The following CAST variants were observed in gnomAD, a reference collection of about 807,000 sequenced individuals.
CAST encodes the protein calpastatin, also known as MIR583 host.
CAST carries 76 observed loss-of-function variants against 119.6 expected under a neutral mutation model. The ratio of observed to expected loss-of-function variants is 0.64; its 90% CI spans 0.53 to 0.77. CAST has a LOEUF of 0.77. Among genes scored for constraint, CAST ranks in the 30% least tolerant of loss-of-function variants. The probability of loss-of-function intolerance (pLI) is 0.00; values close to 1 mark genes in which losing one functional copy is unlikely to be tolerated. For synonymous variants in CAST, 319 were observed against 331.6 expected (o/e 0.96, Z 0.41); for missense variants, 953 against 946.5 (o/e 1.01, Z -0.09).
chr5:96,634,598 A>G (rs1329356495), intron 1 of CAST, among the ~76,000 whole-genome samples: 1 of 152,192 alleles, frequency 6.6e-6, no homozygotes, highest in Non-Finnish European at 1.5e-5. Flanking sequence ...CCTACATGAA[A>G]ATGTCAAGGG....
chr5:96,540,592 C>A (rs894941193), intron 1 of CAST, among the ~76,000 whole-genome samples: 1 of 152,154 alleles, frequency 6.6e-6, no homozygotes, highest in Non-Finnish European at 1.5e-5. Context: ...AATGTTGATA[C>A]ACTATTATTA....
At chr5:96,338,159 T>G in the CAST span, among the ~76,000 whole-genome samples, 2 of 152,238 alleles carry the variant, frequency 1.3e-5, no homozygotes, top group Non-Finnish European at 2.9e-5. Context: ...AGTTCTGTCA[T>G]CATCTTCTGT....
At chr5:96,653,613 CA>C (rs1748121338) in intron 1 of CAST, among the ~76,000 whole-genome samples, 1 of 152,216 alleles carries the variant, frequency 6.6e-6, no homozygotes, top group Non-Finnish European at 1.5e-5. Context: ...TTAGAGTAAG[CA>C]AAAGGTAAAT....
At chr5:96,229,820 C>T in the CAST span, among the ~76,000 whole-genome samples, 2 of 152,236 alleles carry the variant, frequency 1.3e-5, no homozygotes, top group East Asian at 1.9e-4. Flanking sequence ...TCCCTATGAT[C>T]ATAGTTAATT....
the CAST span, among the ~76,000 whole-genome samples, chr5:96,107,985 T>C: frequency 3.5e-3 from 539 of 152,052 alleles, 2 homozygotes; most frequent in African/African-American, 4.6e-3. Flanking sequence ...CATCTTCCAT[T>C]GCTGATACCC....
At chr5:96,278,979 T>C in the CAST span, among the ~76,000 whole-genome samples, 1 of 152,252 alleles carries the variant, frequency 6.6e-6, no homozygotes, top group African/African-American at 2.4e-5. Flanking sequence ...TGTATAAACA[T>C]TAAAATCTGT....
intron 1 of CAST, among the ~76,000 whole-genome samples, chr5:96,531,722 A>G (rs1399197097): frequency 1.3e-5 from 2 of 152,200 alleles, no homozygotes; most frequent in Non-Finnish European, 2.9e-5. Context: ...AATTTAACAT[A>G]TGGAATAGAA....
chr5:96,560,276 C>T lies in CAST; in HGVS notation c.60+30396C>T, dbSNP rs972501804. Among the ~76,000 whole-genome samples the T allele has an allele frequency of 5.9e-5, 9 of 151,984 alleles. No homozygotes were observed. In the South Asian group the frequency reaches 1.0e-3, roughly 18 times the overall value. On this transcript the variant is annotated intron_variant, in intron 1 of 11. Coordinates refer to the CAST transcript ENST00000505143. ...TGCTAGAAGAAAACCTAGGCAATAC[C>T]GTTCAGGACATAGGCATGGACAAGG...
chr5:96,586,471 T>C (rs1055266136), intron 1 of CAST, among the ~76,000 whole-genome samples: 12 of 152,300 alleles, frequency 7.9e-5, no homozygotes, highest in African/African-American at 2.6e-4. Context: ...AGAATAGTTA[T>C]AGCCACAAGA....
chr5:96,522,879 A>G (rs1269307870), upstream of CAST, among the ~76,000 whole-genome samples: 2 of 152,162 alleles, frequency 1.3e-5, no homozygotes, highest in African/African-American at 4.8e-5. Context: ...AAGTCATCCT[A>G]AGTAAAGGGA....
chr5:96,027,143 T>C, the CAST span, among the ~76,000 whole-genome samples: 17 of 152,262 alleles, frequency 1.1e-4, no homozygotes, highest in African/African-American at 4.1e-4. Flanking sequence ...ATCATGCTAC[T>C]GTACTCCACA....
the CAST span, among the ~76,000 whole-genome samples, chr5:96,431,513 T>C: frequency 6.6e-6 from 1 of 152,280 alleles, no homozygotes; most frequent in South Asian, 2.1e-4. Context: ...AGATTCTTGA[T>C]TACTTGAGAG....
At chr5:96,559,357 G>C (rs535613363) in intron 1 of CAST, among the ~76,000 whole-genome samples, 1 of 152,160 alleles carries the variant, frequency 6.6e-6, no homozygotes, top group African/African-American at 2.4e-5. Context: ...GTTCTGGCCA[G>C]GGCAATCAGG....
intron 16 of CAST, chr5:96,743,643 C>T: frequency 6.2e-7 from 1 of 1,613,112 alleles, no homozygotes; most frequent in Non-Finnish European, 8.5e-7. Flanking sequence ...CAGTTTCTAT[C>T]TTCGACTTTC....
At chr5:96,417,415 CT>C in the CAST span, among the ~76,000 whole-genome samples, 1 of 151,950 alleles carries the variant, frequency 6.6e-6, no homozygotes, top group African/African-American at 2.4e-5. Context: ...AGCAGCCCTC[CT>C]GACTTTTTGT....
chr5:96,393,783 C>A, the CAST span, among the ~76,000 whole-genome samples: 7 of 152,170 alleles, frequency 4.6e-5, no homozygotes, highest in African/African-American at 1.4e-4. Context: ...CCACTGGTTG[C>A]GGTAGCATGG....
the CAST span, among the ~76,000 whole-genome samples, chr5:96,092,918 A>G: frequency 6.6e-6 from 1 of 152,202 alleles, no homozygotes; most frequent in Non-Finnish European, 1.5e-5. Flanking sequence ...TTAGCGGCAG[A>G]GTGGGGCCTA....
At chr5:96,048,607 A>G in the CAST span, among the ~76,000 whole-genome samples, 1 of 152,166 alleles carries the variant, frequency 6.6e-6, no homozygotes, top group Non-Finnish European at 1.5e-5. Context: ...GTCTTCAGTC[A>G]GAGTAGACTG....
At chr5:96,544,631 G>T (rs1462470786) in intron 1 of CAST, among the ~76,000 whole-genome samples, 4 of 151,908 alleles carry the variant, frequency 2.6e-5, no homozygotes, top group African/African-American at 9.7e-5. Context: ...AAGTATAATT[G>T]ATAAGCTGAG....
Sources: gnomAD v4.1 joint callset for allele counts (sites outside exome capture counted in the v4.1 genomes callset) on GRCh38, gnomAD v4.1.1 for gene constraint, MANE v1.5 for transcripts, NCBI Gene and HGNC (gene_info 2026-07-23, HGNC 2026-07-21) for gene names.